The following LDB2 variants were observed in gnomAD, a reference collection of about 807,000 sequenced individuals.
The protein encoded by LDB2 is LIM domain binding 2, also known as LIM domain-binding protein 2.
LDB2 carries 12 observed loss-of-function variants against 44.3 expected under a neutral mutation model. The observed-to-expected ratio is 0.27, with a 90% CI of 0.17 to 0.44. LDB2 has a LOEUF of 0.44. LDB2 is among the 20% of genes least tolerant of loss of function. The pLI, the probability that LDB2 is intolerant of heterozygous loss-of-function variation, is 1.00. For missense variants in LDB2, 344 were observed against 473.5 expected (o/e 0.73, Z 2.54); for synonymous variants, 164 against 174.8 (o/e 0.94, Z 0.49).
chr4:16,581,796 G>A (rs1377442813), intron 5 of LDB2, among the ~76,000 whole-genome samples: 1 of 152,082 alleles, frequency 6.6e-6, no homozygotes, highest in East Asian at 1.9e-4. Context: ...TACCAGTTCT[G>A]TGACCTTGGG....
intron 2 of LDB2, among the ~76,000 whole-genome samples, chr4:16,696,570 T>C (rs1006383076): frequency 6.6e-6 from 1 of 152,120 alleles, no homozygotes; most frequent in Admixed American, 6.6e-5. Flanking sequence ...GATGGAGACA[T>C]TTGAACCCAC....
chr4:16,756,899 A>G (rs1487639432), intron 2 of LDB2, among the ~76,000 whole-genome samples: 2 of 146,802 alleles, frequency 1.4e-5, no homozygotes, highest in Non-Finnish European at 1.5e-5. Flanking sequence ...AGTAAAGGCT[A>G]AAAAAAAAAC....
intron 2 of LDB2, among the ~76,000 whole-genome samples, chr4:16,756,498 T>G (rs935230161): frequency 6.6e-6 from 1 of 152,120 alleles, no homozygotes; most frequent in Admixed American, 6.6e-5. Context: ...TTTGTTTGAG[T>G]ACGCCAGTGG....
At chr4:16,672,584 A>G (rs1024091781) in intron 2 of LDB2, among the ~76,000 whole-genome samples, 2 of 152,194 alleles carry the variant, frequency 1.3e-5, no homozygotes, top group Non-Finnish European at 2.9e-5. Flanking sequence ...TATTAAAAAC[A>G]GAAAATCTGT....
At chr4:16,586,507 C>A (rs200903101) in intron 4 of LDB2, among the ~76,000 whole-genome samples, 174 of 76,848 alleles carry the variant, frequency 2.3e-3, no homozygotes, top group Non-Finnish European at 2.5e-3. Context: ...CACACACACA[C>A]ACACACACAC....
intron 4 of LDB2, among the ~76,000 whole-genome samples, chr4:16,587,735 G>A (rs12510398): frequency 0.2 from 30,713 of 151,938 alleles, 3,160 homozygotes; most frequent in East Asian, 0.32. Context: ...GAACCACCTC[G>A]GGCAAAATCT....
Position 16,793,967 on chromosome 4 carries a change from C to A in LDB2, c.133-34707G>T, listed in dbSNP as rs11935663. 1.0e-3 allele frequency among the ~76,000 whole-genome samples: 158 copies of A among 152,184 alleles called. 1 individual carries two copies. Among genetic ancestry groups the A allele is most frequent in the African/African-American group, 3.6e-3 (148 of 41,524 alleles). ...CCTGCAGCTCCTTTCCTACCCCTCTCGGTAATGTCTTAGATTTACCAGCTA... is the reference window on the plus strand; with the variant it reads ...CCTGCAGCTCCTTTCCTACCCCTCTAGGTAATGTCTTAGATTTACCAGCTA... On this transcript the variant is annotated intron_variant, in intron 1 of 7. Coordinates refer to ENST00000304523, the MANE Select transcript of LDB2 (RefSeq NM_001290.5).
intron 5 of LDB2, among the ~76,000 whole-genome samples, chr4:16,570,503 A>AAGTTTACATCTCAGTGATAG: frequency 6.9e-6 from 1 of 144,134 alleles, no homozygotes; most frequent in Admixed American, 7.0e-5. Context: ...AAAAAAAAAA[A>AAGTTTACATCTCAGTGATAG]AGTTTACATC....
At chr4:16,667,305 G>A (rs187816503) in intron 2 of LDB2, among the ~76,000 whole-genome samples, 443 of 152,336 alleles carry the variant, frequency 2.9e-3, no homozygotes, top group African/African-American at 6.1e-3. Context: ...GGAAGTGAGC[G>A]TGTGCAGAGT....
Position 16,859,961 on chromosome 4 carries a change from C to T in LDB2, c.132+38393G>A, listed in dbSNP as rs563488837. On this transcript the variant is annotated intron_variant, in intron 1 of 7. Coordinates refer to ENST00000304523, the MANE Select transcript of LDB2 (RefSeq NM_001290.5). ...TTTAGAGACAAGTACTATTATTACT[C>T]CTGTTGGACAGATGAGAAAACCTCT... is the stretch of plus-strand genomic sequence containing the variant. Among the ~76,000 whole-genome samples, 11 of 152,310 alleles carry T rather than the reference C, an allele frequency of 7.2e-5. 1 individual carries two copies. The South Asian group carries it at 2.3e-3, about 32-fold the overall frequency.
intron 2 of LDB2, among the ~76,000 whole-genome samples, chr4:16,723,335 A>C (rs1356031470): frequency 6.6e-6 from 1 of 152,172 alleles, no homozygotes; most frequent in Non-Finnish European, 1.5e-5. Context: ...CCATGGCGGA[A>C]GATGGAAGGG....
chr4:16,624,599 G>A (rs1023417842), intron 2 of LDB2, among the ~76,000 whole-genome samples: 3 of 152,130 alleles, frequency 2.0e-5, no homozygotes, highest in African/African-American at 4.8e-5. Context: ...GACAGCTAAA[G>A]ATCGCACATG....
At chr4:16,897,518 A>G (rs868177403) in intron 1 of LDB2, among the ~76,000 whole-genome samples, 2 of 152,134 alleles carry the variant, frequency 1.3e-5, no homozygotes, top group Non-Finnish European at 2.9e-5. Context: ...GGAGTTTTGC[A>G]TTTAAAAAGT....
chr4:16,544,781 G>C (rs148389097), intron 5 of LDB2, among the ~76,000 whole-genome samples: 236 of 152,312 alleles, frequency 1.5e-3, no homozygotes, highest in African/African-American at 5.4e-3. Context: ...AGACTTCCAA[G>C]TGAAAACATT....
intron 5 of LDB2, among the ~76,000 whole-genome samples, chr4:16,542,081 C>T (rs868242064): frequency 1.0e-5 from 1 of 98,612 alleles, no homozygotes; most frequent in Middle Eastern, 5.6e-3. Flanking sequence ...AACAATCCTC[C>T]TTCCAATTAC....
At chr4:16,882,077 G>A (rs913296977) in intron 1 of LDB2, among the ~76,000 whole-genome samples, 6 of 152,134 alleles carry the variant, frequency 3.9e-5, no homozygotes, top group African/African-American at 9.7e-5. Flanking sequence ...TCTCAGTACC[G>A]CAATCCTGGC....
intron 5 of LDB2, among the ~76,000 whole-genome samples, chr4:16,580,168 G>GTAGGTGGTTCGTGGGT (rs1278497840): frequency 6.6e-6 from 1 of 152,182 alleles, no homozygotes; most frequent in East Asian, 1.9e-4. Context: ...TGGATTAACT[G>GTAGGTGGTTCGTGGGT]TAGGTGGTTC....
intron 1 of LDB2, among the ~76,000 whole-genome samples, chr4:16,821,696 T>A (rs995823246): frequency 1.4e-5 from 2 of 144,084 alleles, no homozygotes; most frequent in Non-Finnish European, 3.0e-5. Context: ...GCCGGAATAT[T>A]TGAATTTTAT....
intron 5 of LDB2, among the ~76,000 whole-genome samples, chr4:16,528,114 A>C (rs549357383): frequency 1.4e-4 from 22 of 152,266 alleles, no homozygotes; most frequent in South Asian, 1.0e-3. Context: ...GGGAATGGAA[A>C]ACCAAATATT....
Sources: allele counts gnomAD v4.1 joint callset (sites outside exome capture counted in the v4.1 genomes callset), GRCh38; gene constraint gnomAD v4.1.1; transcripts MANE v1.5; gene names NCBI Gene and HGNC (gene_info 2026-07-23, HGNC 2026-07-21).